Variants in NFIB observed in about 807,000 individuals in gnomAD.
NFIB encodes the protein nuclear factor I B.
In NFIB, 11 loss-of-function variants were observed where a neutral mutation model predicts 61.5. The observed-to-expected ratio is 0.18, with a 90% CI of 0.11 to 0.30. NFIB has a LOEUF of 0.30. Ranked by LOEUF, NFIB falls within the 10% of genes least tolerant of loss-of-function variation. The pLI is 1.00. For missense variants in NFIB, 471 were observed against 608.9 expected (o/e 0.77, Z 2.38); for synonymous variants, 260 against 216.5 (o/e 1.20, Z -1.76).
chr9:14,166,533 C>G (rs1056633103), intron 3 of NFIB, among the ~76,000 whole-genome samples: 1 of 152,180 alleles, frequency 6.6e-6, no homozygotes, highest in Non-Finnish European at 1.5e-5. Context: ...AAAATTTCAA[C>G]AGGATATATT....
intron 10 of NFIB, among the ~76,000 whole-genome samples, chr9:14,092,748 A>C (rs1321237384): frequency 6.6e-6 from 1 of 152,176 alleles, no homozygotes; most frequent in Non-Finnish European, 1.5e-5. Context: ...ATCTCCTCTG[A>C]AACAAATCTA....
At chr9:14,256,468 T>C (rs1271539091) in intron 2 of NFIB, among the ~76,000 whole-genome samples, 2 of 151,870 alleles carry the variant, frequency 1.3e-5, no homozygotes, top group Non-Finnish European at 2.9e-5. Flanking sequence ...AGAAAACATA[T>C]AAGTAGGATG....
At chr9:14,445,325 T>G in the NFIB span, among the ~76,000 whole-genome samples, 1 of 151,972 alleles carries the variant, frequency 6.6e-6, no homozygotes, top group African/African-American at 2.4e-5. Flanking sequence ...GAATCTACAG[T>G]ACAAGTTTGA....
intron 2 of NFIB, among the ~76,000 whole-genome samples, chr9:14,235,239 G>A (rs963771023): frequency 1.3e-5 from 2 of 152,110 alleles, no homozygotes; most frequent in East Asian, 3.9e-4. Flanking sequence ...TTTTGATAAA[G>A]GCGATCTGAT....
the NFIB span, among the ~76,000 whole-genome samples, chr9:14,527,388 T>C: frequency 3.9e-5 from 6 of 152,210 alleles, no homozygotes; most frequent in African/African-American, 1.2e-4. Context: ...TTAGAAGTAA[T>C]AGTAAAATTA....
intron 5 of NFIB, among the ~76,000 whole-genome samples, chr9:14,148,738 G>C (rs1012340886): frequency 2.6e-5 from 4 of 152,066 alleles, no homozygotes; most frequent in Admixed American, 2.6e-4. Context: ...ATATGCCTGA[G>C]TACATTTGTA....
chr9:14,122,289 C>A lies in NFIB; in HGVS notation c.1061-1665G>T, dbSNP rs575851710. 9.2e-5 allele frequency among the ~76,000 whole-genome samples: 14 copies of A among 152,118 alleles called. No homozygotes were observed. The South Asian group carries it at 2.7e-3, about 29-fold the overall frequency. Reference sequence around the variant, plus strand: ...GTATAGAATAGAAAAAACATAAATTCAATTTTATAGTCACGACTTTGTTCT... The same window carrying A: ...GTATAGAATAGAAAAAACATAAATTAAATTTTATAGTCACGACTTTGTTCT... On this transcript the variant is annotated intron_variant, in intron 7 of 10. Coordinates refer to ENST00000380953, the MANE Select transcript of NFIB (RefSeq NM_001190737.2).
the NFIB span, among the ~76,000 whole-genome samples, chr9:14,470,043 A>G: frequency 6.6e-6 from 1 of 152,224 alleles, no homozygotes. Flanking sequence ...TAAAGCAGTG[A>G]AGGGAACTGT....
At chr9:14,126,938 G>A (rs918826239) in intron 6 of NFIB, among the ~76,000 whole-genome samples, 8 of 152,114 alleles carry the variant, frequency 5.3e-5, no homozygotes, top group African/African-American at 1.2e-4. Context: ...ACTCACTTTC[G>A]GCTCCTTTAA....
At chr9:14,164,094 G>C (rs1416420097) in intron 3 of NFIB, among the ~76,000 whole-genome samples, 1 of 151,256 alleles carries the variant, frequency 6.6e-6, no homozygotes, top group Non-Finnish European at 1.5e-5. Context: ...AAACATAAAA[G>C]CTGAAATTAA....
intron 3 of NFIB, among the ~76,000 whole-genome samples, chr9:14,176,475 C>T (rs2046206500): frequency 6.6e-6 from 1 of 151,958 alleles, no homozygotes; most frequent in African/African-American, 2.4e-5. Context: ...ACAAAGAATG[C>T]AAACAAAACA....
intron 1 of NFIB, among the ~76,000 whole-genome samples, chr9:14,349,311 G>C (rs1425494283): frequency 1.3e-5 from 2 of 152,122 alleles, no homozygotes; most frequent in African/African-American, 4.8e-5. Context: ...GGAGCACACG[G>C]TCCCGAGAAT....
At chr9:14,236,709 C>A (rs1347886458) in intron 2 of NFIB, among the ~76,000 whole-genome samples, 3 of 152,174 alleles carry the variant, frequency 2.0e-5, no homozygotes, top group Non-Finnish European at 4.4e-5. Context: ...CATTGTTTCA[C>A]TACTTCCCAT....
intron 1 of NFIB, among the ~76,000 whole-genome samples, chr9:14,326,512 T>C (rs949398269): frequency 1.3e-5 from 2 of 152,194 alleles, no homozygotes; most frequent in African/African-American, 4.8e-5. Context: ...TCTGATGACA[T>C]CTTCTAACAT....
chr9:14,255,632 A>G (rs1311309112), intron 2 of NFIB, among the ~76,000 whole-genome samples: 3 of 152,244 alleles, frequency 2.0e-5, no homozygotes, highest in Non-Finnish European at 4.4e-5. Context: ...GTGACAGATT[A>G]ACCCTCCTAA....
the NFIB span, among the ~76,000 whole-genome samples, chr9:14,478,148 C>T: frequency 6.6e-6 from 1 of 152,206 alleles, no homozygotes. Context: ...CACACACCTA[C>T]ATATTCACAC....
intron 3 of NFIB, among the ~76,000 whole-genome samples, chr9:14,172,559 T>G (rs749426071): frequency 2.6e-5 from 4 of 152,372 alleles, no homozygotes; most frequent in Non-Finnish European, 4.4e-5. Context: ...CTGAGATTTA[T>G]GTAACAAAAG....
the NFIB span, among the ~76,000 whole-genome samples, chr9:14,406,231 AG>A: frequency 6.6e-6 from 1 of 152,222 alleles, no homozygotes; most frequent in African/African-American, 2.4e-5. Context: ...CTCCCAGAGC[AG>A]GGTTTTCATA....
chr9:14,288,702 T>C (rs2058876676), intron 2 of NFIB, among the ~76,000 whole-genome samples: 1 of 152,070 alleles, frequency 6.6e-6, no homozygotes, highest in Non-Finnish European at 1.5e-5. Flanking sequence ...GTTAGTTGTA[T>C]ACTTGTCCCA....
Sources: gnomAD v4.1 joint callset for allele counts (sites outside exome capture counted in the v4.1 genomes callset) on GRCh38, gnomAD v4.1.1 for gene constraint, MANE v1.5 for transcripts, NCBI Gene and HGNC (gene_info 2026-07-23, HGNC 2026-07-21) for gene names.